MTMR7: variants seen among roughly 807,000 people sequenced by gnomAD.
MTMR7 encodes the protein phosphatidylinositol-3-phosphate phosphatase MTMR7.
In MTMR7, 76 loss-of-function variants were observed where a neutral mutation model predicts 81.2. That is an observed-to-expected ratio of 0.94 (90% CI 0.78 to 1.13). MTMR7 has a LOEUF of 1.13. MTMR7 is among the 50% of genes most tolerant of loss of function. MTMR7 has a pLI of 0.00. For missense variants in MTMR7, 1,044 were observed against 820.0 expected, an observed-to-expected ratio of 1.27 and a Z score of -3.34; for synonymous variants, 372 against 289.8, an observed-to-expected ratio of 1.28 and a Z score of -2.88.
intron 4 of MTMR7, among the ~76,000 whole-genome samples, chr8:17,355,480 C>T (rs1819863252): frequency 6.6e-6 from 1 of 151,544 alleles, no homozygotes; most frequent in Non-Finnish European, 1.5e-5. Context: ...GATTATAAAG[C>T]CATAATAATC....
intron 1 of MTMR7, 142 bp from the exon 2 acceptor site, chr8:17,373,382 C>A: frequency 1.1e-6 from 1 of 938,306 alleles, no homozygotes; most frequent in Non-Finnish European, 1.5e-6. Context: ...AAAAACTTCC[C>A]CTTAAGTTAA....
chr8:17,318,596 T>A (rs978211729), intron 7 of MTMR7, among the ~76,000 whole-genome samples: 1 of 152,166 alleles, frequency 6.6e-6, no homozygotes, highest in African/African-American at 2.4e-5. Context: ...GCCACTGCAG[T>A]GGGGTCCTAC....
chr8:17,406,233 C>T (rs960985225), intron 1 of MTMR7, among the ~76,000 whole-genome samples: 2 of 152,048 alleles, frequency 1.3e-5, no homozygotes, highest in African/African-American at 4.8e-5. Context: ...CGGGAGGAAA[C>T]ATTTACAAGT....
At chr8:17,412,842 G>C (rs781553781) in intron 1 of MTMR7, among the ~76,000 whole-genome samples, 1 of 152,168 alleles carries the variant, frequency 6.6e-6, no homozygotes, top group Admixed American at 6.5e-5. Flanking sequence ...TCCAAGCGCA[G>C]GAGTCCCTCT....
intron 1 of MTMR7, among the ~76,000 whole-genome samples, chr8:17,380,655 G>C (rs1820729766): frequency 1.3e-5 from 2 of 151,918 alleles, no homozygotes; most frequent in Admixed American, 1.3e-4. Context: ...TCAAAGGGCA[G>C]GACACCCGTG....
intron 1 of MTMR7, among the ~76,000 whole-genome samples, chr8:17,375,586 T>C (rs1165861665): frequency 6.6e-6 from 1 of 152,132 alleles, no homozygotes; most frequent in African/African-American, 2.4e-5. Context: ...TTCATATCAC[T>C]GGTTTACTTT....
chr8:17,318,198 G>A (rs1351247524), intron 7 of MTMR7, among the ~76,000 whole-genome samples: 3 of 152,084 alleles, frequency 2.0e-5, no homozygotes, highest in Admixed American at 1.3e-4. Context: ...TTTGGGATCC[G>A]AACACACCTT....
chr8:17,340,029 G>A (rs537754669), intron 6 of MTMR7, among the ~76,000 whole-genome samples: 3 of 152,276 alleles, frequency 2.0e-5, no homozygotes, highest in South Asian at 4.1e-4. Flanking sequence ...TCGGCTCACC[G>A]CAACCTCCGC....
chr8:17,355,526 G>C (rs1295837302), intron 4 of MTMR7, among the ~76,000 whole-genome samples: 1 of 151,608 alleles, frequency 6.6e-6, no homozygotes, highest in Non-Finnish European at 1.5e-5. Context: ...GATTTATACA[G>C]CGTCAAATTG....
At chr8:17,368,667 T>C (rs1820313995) in intron 3 of MTMR7, among the ~76,000 whole-genome samples, 1 of 152,198 alleles carries the variant, frequency 6.6e-6, no homozygotes, top group Non-Finnish European at 1.5e-5. Flanking sequence ...TAATATGCCC[T>C]AATGTTAGCA....
At chr8:17,391,235 A>G (rs372781602) in intron 1 of MTMR7, among the ~76,000 whole-genome samples, 59 of 152,262 alleles carry the variant, frequency 3.9e-4, no homozygotes, top group African/African-American at 1.4e-3. Flanking sequence ...CAACGTTATG[A>G]CTTTGACTTT....
At chr8:17,369,802 C>T (rs1202552372) in intron 3 of MTMR7, among the ~76,000 whole-genome samples, 3 of 151,896 alleles carry the variant, frequency 2.0e-5, no homozygotes, top group Non-Finnish European at 2.9e-5. Context: ...CACACTGCCA[C>T]GCCCAGCTAA....
At position 17,338,760 on chromosome 8, in the gene MTMR7, C is replaced by T. The variant is rs578044429; in HGVS notation, c.732+2603G>A. 2.0e-5 allele frequency: 3 copies of T among 150,256 alleles called. No individual in the cohort carries two copies. In the South Asian group the frequency reaches 6.3e-4, roughly 32 times the overall value. The allele number at this position is 150,256 out of a possible 1,614,324, so 9.3% of individuals were successfully genotyped here. A position where few individuals can be genotyped will look rare whatever the true frequency, so the allele number is the denominator to read the frequency against. On this transcript the variant is annotated intron_variant, in intron 6 of 13. Transcript: ENST00000180173. ...TTTTTTTTCAGTTTGAAACTTTTAT[C>T]TGTGTGTCGTGCTCTGAGAATTTAA...
intron 4 of MTMR7, among the ~76,000 whole-genome samples, chr8:17,358,536 T>G (rs1819965428): frequency 6.6e-6 from 1 of 152,122 alleles, no homozygotes; most frequent in Non-Finnish European, 1.5e-5. Flanking sequence ...AAATGCGAAA[T>G]TTCACACCTA....
chr8:17,385,295 G>C (rs1030234435), intron 1 of MTMR7, among the ~76,000 whole-genome samples: 1 of 151,922 alleles, frequency 6.6e-6, no homozygotes, highest in Admixed American at 6.6e-5. Flanking sequence ...ACTTGATATG[G>C]TTTGGCTGTG....
At chr8:17,374,208 C>T (rs1475702771) in intron 1 of MTMR7, among the ~76,000 whole-genome samples, 1 of 152,180 alleles carries the variant, frequency 6.6e-6, no homozygotes, top group Non-Finnish European at 1.5e-5. Flanking sequence ...AGCTGTGGGC[C>T]GGTGCAGTGC....
chr8:17,336,803 C>T (rs1419483825), intron 6 of MTMR7, among the ~76,000 whole-genome samples: 1 of 152,134 alleles, frequency 6.6e-6, no homozygotes, highest in South Asian at 2.1e-4. Context: ...TCTCTGGCCT[C>T]GTCAGGCGTG....
chr8:17,330,888 C>T (rs1215130871), intron 7 of MTMR7, among the ~76,000 whole-genome samples: 1 of 152,198 alleles, frequency 6.6e-6, no homozygotes, highest in Non-Finnish European at 1.5e-5. Flanking sequence ...GAAACAAAAA[C>T]ATCCCTGTGC....
chr8:17,335,175 C>T (rs959295581), intron 6 of MTMR7, among the ~76,000 whole-genome samples: 6 of 152,074 alleles, frequency 3.9e-5, no homozygotes, highest in Admixed American at 2.0e-4. Context: ...GGGATGGGCA[C>T]GGAAAACCTC....
Sources: allele counts gnomAD v4.1 joint callset (sites outside exome capture counted in the v4.1 genomes callset), GRCh38; gene constraint gnomAD v4.1.1; transcripts MANE v1.5; gene names NCBI Gene and HGNC (gene_info 2026-07-23, HGNC 2026-07-21).